KATNIP: variants seen among roughly 807,000 people sequenced by gnomAD.
KATNIP encodes the protein katanin-interacting protein.
A neutral mutation model predicts 174.0 loss-of-function variants in KATNIP; 126 were observed. The ratio of observed to expected loss-of-function variants is 0.72; its 90% CI spans 0.63 to 0.84. KATNIP has a LOEUF of 0.84. KATNIP is among the 40% of genes least tolerant of loss of function. KATNIP has a pLI of 0.00. For synonymous variants in KATNIP, 810 were observed against 835.7 expected (o/e 0.97, Z 0.53); for missense variants, 1,958 against 2,109.7 (o/e 0.93, Z 1.41).
chr16:27,726,645 A>G (rs956005232), intron 14 of KATNIP, among the ~76,000 whole-genome samples: 3 of 152,214 alleles, frequency 2.0e-5, no homozygotes, highest in African/African-American at 7.2e-5. Context: ...AGGTCACACT[A>G]AGTGTTCCGA....
At chr16:27,588,732 G>C (rs1172703718) in intron 2 of KATNIP, among the ~76,000 whole-genome samples, 1 of 151,960 alleles carries the variant, frequency 6.6e-6, no homozygotes, top group Non-Finnish European at 1.5e-5. Flanking sequence ...GTACATTGTT[G>C]TTATTAAAAA....
intron 10 of KATNIP, among the ~76,000 whole-genome samples, chr16:27,700,749 G>GGGGA (rs1364902285): frequency 7.2e-5 from 11 of 152,212 alleles, no homozygotes; most frequent in African/African-American, 2.7e-4. Flanking sequence ...GCGGCGAAGT[G>GGGGA]GGGACGGGAG....
chr16:27,775,077 C>T lies in KATNIP; in HGVS notation c.4442C>T (p.Pro1481Leu), dbSNP rs144559547. 3.0e-5 allele frequency: 48 copies of T among 1,611,378 alleles called. No homozygotes were observed. The Admixed American group carries it at 3.7e-4, about 12-fold the overall frequency. ...CACATGTGGCTGGCTCCCATCCTGC[C>T]GGGCCTGGTGGGTTCCCGGCAGCGG... Reference protein sequence around the residue: ...GRHMWLAPILPGLVNRVYVIF... With the variant: ...GRHMWLAPILLGLVNRVYVIF... The change falls in exon 24 of 28, where the codon CCG (proline) becomes CTG (leucine). Residue 1481 changes from proline to leucine, a missense_variant. By Grantham distance (98) the Pro-to-Leu change is moderately conservative. Coordinates refer to ENST00000261588, the MANE Select transcript of KATNIP (RefSeq NM_015202.5).
intron 14 of KATNIP, among the ~76,000 whole-genome samples, chr16:27,736,759 A>G: frequency 6.6e-6 from 1 of 152,214 alleles, no homozygotes; most frequent in Non-Finnish European, 1.5e-5. Flanking sequence ...CAGTTGTTAA[A>G]AAAAGACTCA....
At chr16:27,684,945 G>A (rs2078470745) in intron 8 of KATNIP, among the ~76,000 whole-genome samples, 1 of 152,192 alleles carries the variant, frequency 6.6e-6, no homozygotes, top group Non-Finnish European at 1.5e-5. Context: ...GACCTTTTTA[G>A]GGGACACAAT....
chr16:27,632,451 T>C (rs537174166), intron 5 of KATNIP: 4 of 367,304 alleles, frequency 1.1e-5, no homozygotes, highest in African/African-American at 2.1e-5. Flanking sequence ...GCAGTTGAGC[T>C]TCATGCCTCT....
intron 2 of KATNIP, among the ~76,000 whole-genome samples, chr16:27,616,621 G>A (rs2142049294): frequency 6.6e-6 from 1 of 151,722 alleles, no homozygotes; most frequent in East Asian, 1.9e-4. Context: ...CAGCTACTTG[G>A]GAGTCTGAGG....
chr16:27,580,281 T>A (rs1356163971), intron 2 of KATNIP, among the ~76,000 whole-genome samples: 1 of 152,064 alleles, frequency 6.6e-6, no homozygotes, highest in African/African-American at 2.4e-5. Context: ...CCCAGCTAAT[T>A]GTTGTATTTT....
intron 2 of KATNIP, among the ~76,000 whole-genome samples, chr16:27,577,674 A>G (rs1421302817): frequency 2.0e-5 from 3 of 152,204 alleles, no homozygotes; most frequent in African/African-American, 7.2e-5. Context: ...CCTGGGTGAC[A>G]GAGTGAGACT....
chr16:27,771,698 C>T (rs1271870995), intron 22 of KATNIP, 46 bp downstream of exon 22: 1 of 1,596,360 alleles, frequency 6.3e-7, no homozygotes, highest in Non-Finnish European at 8.6e-7. Flanking sequence ...GGCCCCGAGG[C>T]AGCGCCTGGG....
intron 12 of KATNIP, among the ~76,000 whole-genome samples, chr16:27,706,359 G>A (rs1006558902): frequency 3.9e-5 from 6 of 152,228 alleles, no homozygotes; most frequent in African/African-American, 1.2e-4. Context: ...TCTGGCAGCC[G>A]AGGGGACAGG....
intron 2 of KATNIP, among the ~76,000 whole-genome samples, chr16:27,607,594 C>CTT (rs33954778): frequency 2.7e-4 from 21 of 78,876 alleles, no homozygotes; most frequent in African/African-American, 5.2e-4. Flanking sequence ...CAGTCAGTGT[C>CTT]TTTTTTTTTT....
intron 15 of KATNIP, among the ~76,000 whole-genome samples, chr16:27,742,432 C>G (rs1211751555): frequency 6.6e-6 from 1 of 152,212 alleles, no homozygotes; most frequent in Non-Finnish European, 1.5e-5. Flanking sequence ...TCACCACTAG[C>G]TTGGACGAGG....
intron 7 of KATNIP, among the ~76,000 whole-genome samples, chr16:27,680,466 G>C (rs2078291048): frequency 6.6e-6 from 1 of 152,236 alleles, no homozygotes; most frequent in Admixed American, 6.5e-5. Flanking sequence ...CACAGTTCGA[G>C]TGATACTGGG....
chr16:27,735,313 G>A (rs2080858611), intron 14 of KATNIP, among the ~76,000 whole-genome samples: 1 of 152,176 alleles, frequency 6.6e-6, no homozygotes, highest in Admixed American at 6.5e-5. Flanking sequence ...ACTGGGGAAG[G>A]AAGATGGGTG....
intron 17 of KATNIP, among the ~76,000 whole-genome samples, chr16:27,753,905 G>A (rs1353758940): frequency 1.3e-5 from 2 of 151,498 alleles, no homozygotes; most frequent in African/African-American, 4.9e-5. Context: ...TTCCCTGTTG[G>A]AGGAAATTTA....
In KATNIP at chr16:27,564,746, G is replaced by GGCTTGCTT. The variant is rs60987314; in HGVS notation, c.8-9130_8-9123dup. 8.8e-3 allele frequency among the ~76,000 whole-genome samples: 1,335 copies of GGCTTGCTT among 151,814 alleles called. 15 individuals carry two copies. Among genetic ancestry groups the GGCTTGCTT allele is most frequent in the African/African-American group, 0.03 (1,233 of 41,360 alleles). On this transcript the variant is annotated intron_variant, in intron 1 of 27. Transcript: ENST00000261588. Reference sequence around the variant, plus strand: ...GGTGTTGCAGAGCCGGTGTCTGCCTGGCTTGCTTGCTTGCTTGCTTGCTTG... The same window carrying GGCTTGCTT: ...GGTGTTGCAGAGCCGGTGTCTGCCTGGCTTGCTTGCTTGCTTGCTTGCTTGCTTGCTTG...
intron 20 of KATNIP, 150 bp from the exon 21 acceptor site, chr16:27,769,711 C>T (rs1379562564): frequency 1.1e-6 from 1 of 882,510 alleles, no homozygotes; most frequent in Non-Finnish European, 1.8e-6. Context: ...CCACACAGCA[C>T]CTGATATGGG....
At chr16:27,589,059 C>A (rs935125498) in intron 2 of KATNIP, among the ~76,000 whole-genome samples, 1 of 150,448 alleles carries the variant, frequency 6.6e-6, no homozygotes, top group African/African-American at 2.4e-5. Flanking sequence ...ACCACTCCAG[C>A]TAATTTTTGT....
Sources: allele counts gnomAD v4.1 joint callset (sites outside exome capture counted in the v4.1 genomes callset), GRCh38; gene constraint gnomAD v4.1.1; transcripts MANE v1.5; gene names NCBI Gene and HGNC (gene_info 2026-07-23, HGNC 2026-07-21).